The following DNAH11 variants were observed in gnomAD, a reference collection of about 807,000 sequenced individuals.
DNAH11 encodes the protein dynein axonemal heavy chain 11, also known as axonemal beta dynein heavy chain 11.
A neutral mutation model predicts 526.0 loss-of-function variants in DNAH11; 442 were observed. The ratio of observed to expected loss-of-function variants is 0.84; its 90% confidence interval spans 0.78 to 0.91. The LOEUF (loss-of-function observed/expected upper bound fraction) is 0.91. Among genes scored for constraint, DNAH11 ranks in the 40% least tolerant of loss-of-function variants. The pLI is 0.00. For missense variants in DNAH11, 6,989 were observed against 5,448.7 expected (o/e 1.28, Z -8.90); for synonymous variants, 2,461 against 1,935.9 (o/e 1.27, Z -7.12).
chr7:21,758,039 G>A (rs1336825446), intron 54 of DNAH11, among the ~76,000 whole-genome samples: 1 of 152,154 alleles, frequency 6.6e-6, no homozygotes, highest in Non-Finnish European at 1.5e-5. Flanking sequence ...CTTCATCCAT[G>A]AGAGAGGCAC....
Position 21,570,126 on chromosome 7 carries a change from G to C in DNAH11, c.1252G>C (p.Glu418Gln). Residue 418 changes from glutamate (E) to glutamine (Q), a missense_variant, in exon 7 of 82, where the codon GAA becomes CAA. Coordinates refer to ENST00000409508, the MANE Select transcript of DNAH11 (RefSeq NM_001277115.2). The part of the protein sequence containing the change: ...LLRGEIEESL[E>Q]KVQVAVNILK... The stretch of plus-strand genomic sequence containing the variant: ...GAGGGGAGAAATAGAAGAGTCACTG[G>C]AAAAGGTGCAGGTGGCTGTTAACAT... 6.2e-7 allele frequency: 1 copy of C among 1,612,974 alleles called. No individual in the cohort carries two copies. The highest frequency in any genetic ancestry group is 8.5e-7 in the Non-Finnish European group (1 of 1,179,512).
intron 66 of DNAH11, among the ~76,000 whole-genome samples, chr7:21,843,167 T>G (rs1416963171): frequency 1.3e-5 from 2 of 152,216 alleles, no homozygotes; most frequent in Non-Finnish European, 2.9e-5. Flanking sequence ...TGGCCTTAAG[T>G]ATATTAAGAA....
intron 34 of DNAH11, among the ~76,000 whole-genome samples, chr7:21,689,358 G>A (rs1000488644): frequency 6.6e-6 from 1 of 152,244 alleles, no homozygotes; most frequent in Non-Finnish European, 1.5e-5. Context: ...TTGTCTGAAT[G>A]TCTGTAGGTC....
In DNAH11 at chr7:21,901,379, C is replaced by A; in HGVS notation, c.*125C>A. ...ACTCACACGTGCATTCTTTTTTCAACGCTATCCTTAGAGTGAAAGTCAGAA... is the reference window on the plus strand; with the variant it reads ...ACTCACACGTGCATTCTTTTTTCAAAGCTATCCTTAGAGTGAAAGTCAGAA... On this transcript the variant is annotated 3_prime_UTR_variant, in exon 82 of 82. Coordinates refer to ENST00000409508, the MANE Select transcript of DNAH11 (RefSeq NM_001277115.2). 3.1e-6 allele frequency: 4 copies of A among 1,303,194 alleles called. No individual in the cohort carries two copies. The highest frequency in any genetic ancestry group is 4.0e-6 in the Non-Finnish European group (4 of 1,003,048). The allele number at this position is 1,303,194 out of a possible 1,614,324, so 80.7% of individuals were successfully genotyped here.
intron 2 of DNAH11, among the ~76,000 whole-genome samples, chr7:21,547,960 T>C (rs1434993686): frequency 6.6e-6 from 1 of 152,232 alleles, no homozygotes; most frequent in Non-Finnish European, 1.5e-5. Flanking sequence ...TATTAATAGC[T>C]ATTTTTGTGC....
chr7:21,863,099 G>T (rs573055355), intron 69 of DNAH11, among the ~76,000 whole-genome samples: 2 of 150,528 alleles, frequency 1.3e-5, no homozygotes, highest in Non-Finnish European at 3.0e-5. Flanking sequence ...AAGAAAAAGC[G>T]TTCGTGATAA....
At position 21,877,892 on chromosome 7, in the gene DNAH11, A is replaced by C. The variant is rs1469519407; in HGVS notation, c.12196-2810A>C. 4.0e-5 allele frequency among the ~76,000 whole-genome samples: 6 copies of C among 151,192 alleles called. No individual in the cohort carries two copies. The South Asian group carries it at 1.2e-3, about 31-fold the overall frequency. ...TCCATCTCAAAAAAAAAAAAAAAAA[A>C]AAAAAAGAGCCTCTTGAGGAAGATG... On this transcript the variant is annotated intron_variant, in intron 74 of 81. Coordinates refer to ENST00000409508, the MANE Select transcript of DNAH11 (RefSeq NM_001277115.2).
chr7:21,588,675 T>A (rs2128442820), intron 11 of DNAH11, 39 bp downstream of exon 11: 1 of 1,600,392 alleles, frequency 6.2e-7, no homozygotes, highest in Non-Finnish European at 8.6e-7. Flanking sequence ...GTTATTCTAA[T>A]GGTACGGGTG....
chr7:21,555,957 C>G (rs1364945088), intron 2 of DNAH11, among the ~76,000 whole-genome samples: 2 of 152,146 alleles, frequency 1.3e-5, no homozygotes, highest in African/African-American at 4.8e-5. Flanking sequence ...ACAGTGGAAG[C>G]AAGACTTTTA....
At chr7:21,642,456 G>A (rs1192357751) in intron 28 of DNAH11, among the ~76,000 whole-genome samples, 1 of 152,134 alleles carries the variant, frequency 6.6e-6, no homozygotes, top group African/African-American at 2.4e-5. Context: ...TGTTATGCCA[G>A]ATAGTGTGAT....
chr7:21,825,821 T>G (rs1479622977), intron 65 of DNAH11, among the ~76,000 whole-genome samples: 1 of 151,976 alleles, frequency 6.6e-6, no homozygotes, highest in East Asian at 1.9e-4. Flanking sequence ...TAGCTGGGTG[T>G]AGTAGCGGGT....
At chr7:21,807,325 C>T (rs1042816652) in intron 62 of DNAH11, among the ~76,000 whole-genome samples, 1 of 152,054 alleles carries the variant, frequency 6.6e-6, no homozygotes, top group African/African-American at 2.4e-5. Flanking sequence ...ATGGTGAAGC[C>T]CCGTCTCTAC....
At chr7:21,787,050 A>G (rs1243312877) in intron 59 of DNAH11, among the ~76,000 whole-genome samples, 3 of 152,242 alleles carry the variant, frequency 2.0e-5, no homozygotes, top group African/African-American at 4.8e-5. Context: ...GGAGAAAATG[A>G]CATGGATTTC....
intron 62 of DNAH11, among the ~76,000 whole-genome samples, chr7:21,804,040 T>G (rs1227997896): frequency 2.0e-5 from 3 of 152,204 alleles, no homozygotes; most frequent in Non-Finnish European, 4.4e-5. Context: ...GGGTACGTGT[T>G]TCGGGATGGC....
chr7:21,603,881 A>G (rs951124504), intron 18 of DNAH11, among the ~76,000 whole-genome samples: 1 of 152,182 alleles, frequency 6.6e-6, no homozygotes, highest in African/African-American at 2.4e-5. Context: ...TGTATTATAT[A>G]AGTTTGGTTC....
At chr7:21,813,407 C>G (rs1243702016) in intron 63 of DNAH11, among the ~76,000 whole-genome samples, 1 of 152,136 alleles carries the variant, frequency 6.6e-6, no homozygotes, top group Non-Finnish European at 1.5e-5. Flanking sequence ...CCTTGCAGAA[C>G]TCTTGTAAGG....
At chr7:21,864,134 A>G (rs1274571001) in intron 69 of DNAH11, among the ~76,000 whole-genome samples, 1 of 152,242 alleles carries the variant, frequency 6.6e-6, no homozygotes, top group Non-Finnish European at 1.5e-5. Context: ...TAACTACTAT[A>G]CCAGAATTAA....
chr7:21,632,536 T>C (rs1786664450), intron 25 of DNAH11, among the ~76,000 whole-genome samples: 1 of 152,160 alleles, frequency 6.6e-6, no homozygotes, highest in Admixed American at 6.5e-5. Context: ...CTAGGTACCC[T>C]AAATTATCTC....
chr7:21,861,373 CCTA>C (rs1783057763), intron 68 of DNAH11, among the ~76,000 whole-genome samples: 1 of 152,162 alleles, frequency 6.6e-6, no homozygotes, highest in African/African-American at 2.4e-5. Flanking sequence ...GCAAGTAAAA[CCTA>C]CTCCCCCAAA....
Sources: gnomAD v4.1 joint callset for allele counts (sites outside exome capture counted in the v4.1 genomes callset) on GRCh38, gnomAD v4.1.1 for gene constraint, MANE v1.5 for transcripts, NCBI Gene and HGNC (gene_info 2026-07-23, HGNC 2026-07-21) for gene names.